PLEKHA3: variants seen among roughly 807,000 people sequenced by gnomAD.
PLEKHA3 encodes pleckstrin homology domain containing A3.
In PLEKHA3, 19 loss-of-function variants were observed where a neutral mutation model predicts 39.2. That is an observed-to-expected ratio of 0.48 (90% CI 0.34 to 0.71). PLEKHA3 has a LOEUF of 0.71. PLEKHA3 is among the 30% of genes least tolerant of loss of function. The probability of loss-of-function intolerance (pLI) is 0.01; values close to 1 mark genes in which losing one functional copy is unlikely to be tolerated. For missense variants in PLEKHA3, 253 were observed against 359.5 expected (o/e 0.70, Z 2.40); for synonymous variants, 97 against 118.6 (o/e 0.82, Z 1.18).
chr2:178,491,872 G>A (rs1685352600), intron 3 of PLEKHA3, among the ~76,000 whole-genome samples: 2 of 152,126 alleles, frequency 1.3e-5, no homozygotes, highest in Non-Finnish European at 2.9e-5. Context: ...GGGAAAGCGG[G>A]TGTGTGCGGA....
chr2:178,485,404 G>A (rs376216851), intron 1 of PLEKHA3, among the ~76,000 whole-genome samples: 1 of 152,222 alleles, frequency 6.6e-6, no homozygotes, highest in African/African-American at 2.4e-5. Flanking sequence ...GCTAGAATTA[G>A]AAGTATTACT....
intron 5 of PLEKHA3, among the ~76,000 whole-genome samples, chr2:178,498,935 T>C (rs762360426): frequency 2.0e-5 from 3 of 152,088 alleles, no homozygotes; most frequent in Non-Finnish European, 4.4e-5. Flanking sequence ...CATATATATG[T>C]ATTATGTATA....
chr2:178,485,363 G>A (rs1378522993), intron 1 of PLEKHA3, among the ~76,000 whole-genome samples: 2 of 152,166 alleles, frequency 1.3e-5, no homozygotes, highest in Non-Finnish European at 2.9e-5. Flanking sequence ...CTGAGGATGG[G>A]CCTTATGGGT....
intron 2 of PLEKHA3, chr2:178,489,025 A>T: frequency 2.3e-6 from 1 of 441,804 alleles, no homozygotes; most frequent in Non-Finnish European, 4.6e-6. Context: ...GTATGTTTAA[A>T]AATGAGTCAT....
chr2:178,493,354 C>T (rs769434421), intron 3 of PLEKHA3, among the ~76,000 whole-genome samples: 1 of 151,800 alleles, frequency 6.6e-6, no homozygotes, highest in Non-Finnish European at 1.5e-5. Context: ...CTTCTGTAAG[C>T]CAAAATAAAG....
intron 1 of PLEKHA3, 143 bp from the exon 2 acceptor site, chr2:178,485,498 G>C (rs375549538): frequency 1.7e-5 from 11 of 656,642 alleles, no homozygotes; most frequent in Non-Finnish European, 3.0e-5. Context: ...TTTTGGTAAG[G>C]CTTGGTGATT....
At chr2:178,501,218 C>A in intron 7 of PLEKHA3, 42 bp downstream of exon 7, 2 of 1,424,728 alleles carry the variant, frequency 1.4e-6, no homozygotes, top group South Asian at 2.4e-5. Flanking sequence ...GCATATTCAG[C>A]AAAATTACTG....
intron 1 of PLEKHA3, among the ~76,000 whole-genome samples, chr2:178,484,648 T>C (rs1255705825): frequency 6.6e-6 from 1 of 152,210 alleles, no homozygotes; most frequent in Non-Finnish European, 1.5e-5. Context: ...ATTTTAGCCA[T>C]GAATATTTGT....
At position 178,480,582 on chromosome 2, in the gene PLEKHA3, G is replaced by A. The variant is rs868399496; in HGVS notation, c.-288G>A. The A allele has an allele frequency of 2.7e-5, 7 of 262,156 alleles. No homozygotes were observed. In the East Asian group the frequency reaches 2.7e-4, roughly 10 times the overall value. The allele number at this position is 262,156 out of a possible 1,614,324, so 16.2% of individuals were successfully genotyped here. ...GAGCAGCCGGGCTGCGGAAGCGCGA[G>A]CAGGAGGCCGGTCGCGGGCGCATTT... On this transcript the variant is annotated 5_prime_UTR_variant, in exon 1 of 8. Coordinates refer to ENST00000234453, the MANE Select transcript of PLEKHA3 (RefSeq NM_019091.4).
intron 7 of PLEKHA3, chr2:178,502,394 T>C (rs1685539637): frequency 4.7e-6 from 2 of 428,112 alleles, no homozygotes; most frequent in East Asian, 9.2e-5. Context: ...AGAAACTTTC[T>C]TGGGCCAATC....
chr2:178,483,493 T>C (rs1559381912), intron 1 of PLEKHA3, among the ~76,000 whole-genome samples: 1 of 152,238 alleles, frequency 6.6e-6, no homozygotes, highest in Non-Finnish European at 1.5e-5. Flanking sequence ...TTGATTATAT[T>C]AATGTGTTCA....
Position 178,512,233 on chromosome 2 carries a change from C to G in PLEKHA3, c.*8346C>G, listed in dbSNP as rs189491085. On this transcript the variant is annotated 3_prime_UTR_variant, in exon 8 of 8. Coordinates refer to ENST00000234453, the MANE Select transcript of PLEKHA3 (RefSeq NM_019091.4). ...AATAAATAAATAATTCAGAATGTATCCACAAAACCTAGAATATATGACAGG... is the reference window on the plus strand; with the variant it reads ...AATAAATAAATAATTCAGAATGTATGCACAAAACCTAGAATATATGACAGG... 3 of 152,256 alleles carry G rather than the reference C, an allele frequency of 2.0e-5. No individual in the cohort carries two copies. The highest frequency in any genetic ancestry group is 1.3e-4 in the Admixed American group (2 of 15,296). 9.4% of individuals were successfully genotyped at this position (152,256 alleles called of 1,614,324 possible). A position where few individuals can be genotyped will look rare whatever the true frequency, so the allele number is the denominator to read the frequency against.
At chr2:178,496,514 T>TTG (rs1553604288) in intron 5 of PLEKHA3, among the ~76,000 whole-genome samples, 1 of 151,884 alleles carries the variant, frequency 6.6e-6, no homozygotes, top group Non-Finnish European at 1.5e-5. Flanking sequence ...GCAAATTTAG[T>TTG]TATGAGATTT....
intron 1 of PLEKHA3, among the ~76,000 whole-genome samples, chr2:178,481,250 T>C: frequency 6.6e-6 from 1 of 152,258 alleles, no homozygotes. Context: ...AGCATTTTGT[T>C]AATAACTGAG....
At position 178,480,651 on chromosome 2, in the gene PLEKHA3, G is replaced by A. The variant is rs1369495674; in HGVS notation, c.-219G>A. On this transcript the variant is annotated 5_prime_UTR_variant, in exon 1 of 8. An upstream start codon of the reference 5' UTR is lost. Transcript: ENST00000234453. ...CCGCCGCCGAGGCTTACCCGGGAAT[G>A]TCTGGGCCCGCGCCTCGCGGCCCCC... 4 of 341,168 alleles carry A rather than the reference G, an allele frequency of 1.2e-5. No homozygotes were observed. The highest frequency in any genetic ancestry group is 8.6e-5 in the African/African-American group (4 of 46,352). 21.1% of individuals were successfully genotyped at this position (341,168 alleles called of 1,614,324 possible). A position where few individuals can be genotyped will look rare whatever the true frequency, so the allele number is the denominator to read the frequency against.
At chr2:178,500,951 C>A in intron 6 of PLEKHA3, 110 bp from the exon 7 acceptor site, 1 of 734,532 alleles carries the variant, frequency 1.4e-6, no homozygotes, top group South Asian at 1.8e-5. Context: ...GGACGTTGAG[C>A]ATAAAAATAA....
chr2:178,496,905 T>C (rs1484386961), intron 5 of PLEKHA3, among the ~76,000 whole-genome samples: 1 of 151,972 alleles, frequency 6.6e-6, no homozygotes, highest in Non-Finnish European at 1.5e-5. Context: ...GGGGGTCTCA[T>C]TTTGTTGCCC....
chr2:178,491,318 G>A (rs1269064361), intron 3 of PLEKHA3, among the ~76,000 whole-genome samples: 1 of 152,132 alleles, frequency 6.6e-6, no homozygotes, highest in Non-Finnish European at 1.5e-5. Context: ...GCCTAAACTC[G>A]TGCTTTCACT....
chr2:178,513,430 G>A lies in PLEKHA3; in HGVS notation c.*9543G>A, dbSNP rs1036792613. On this transcript the variant is annotated 3_prime_UTR_variant, in exon 8 of 8. Transcript: ENST00000234453. ...GACCCCTATTATTGTTGGCTGGACAGGCATTTTCTTTTTAATTCCTCTATG... is the reference window on the plus strand; with the variant it reads ...GACCCCTATTATTGTTGGCTGGACAAGCATTTTCTTTTTAATTCCTCTATG... The A allele has an allele frequency of 6.6e-6, 1 of 152,158 alleles. No individual in the cohort carries two copies. The highest frequency in any genetic ancestry group is 1.5e-5 in the Non-Finnish European group (1 of 68,030). The allele number at this position is 152,158 out of a possible 1,614,324, so 9.4% of individuals were successfully genotyped here. A position where few individuals can be genotyped will look rare whatever the true frequency, so the allele number is the denominator to read the frequency against.
Sources: gnomAD v4.1 joint callset for allele counts (sites outside exome capture counted in the v4.1 genomes callset) on GRCh38, gnomAD v4.1.1 for gene constraint, MANE v1.5 for transcripts, NCBI Gene and HGNC (gene_info 2026-07-23, HGNC 2026-07-21) for gene names.